Variants in POLK observed in about 807,000 individuals in gnomAD.
POLK encodes the protein polymerase (DNA directed) kappa.
In POLK, 76 loss-of-function variants were observed where a neutral mutation model predicts 94.0. The ratio of observed to expected loss-of-function variants is 0.81; its 90% confidence interval spans 0.67 to 0.98. The LOEUF (loss-of-function observed/expected upper bound fraction) is 0.98. Ranked by LOEUF, POLK falls within the 50% of genes least tolerant of loss-of-function variation. The probability of loss-of-function intolerance (pLI) is 0.00; values close to 1 mark genes in which losing one functional copy is unlikely to be tolerated. For missense variants in POLK, 954 were observed against 1,010.1 expected (o/e 0.94, Z 0.75); for synonymous variants, 349 against 325.4 (o/e 1.07, Z -0.78).
intron 3 of POLK, among the ~76,000 whole-genome samples, chr5:75,559,664 G>A (rs1051267640): frequency 6.7e-6 from 1 of 150,332 alleles, no homozygotes; most frequent in East Asian, 2.0e-4. Context: ...AGCCTCCCAA[G>A]TAGTGGGGGG....
chr5:75,559,371 T>C, intron 3 of POLK, among the ~76,000 whole-genome samples: 1 of 152,130 alleles, frequency 6.6e-6, no homozygotes, highest in East Asian at 1.9e-4. Flanking sequence ...CAGTCATTTT[T>C]GTAACTGACA....
At chr5:75,581,680 T>C in intron 7 of POLK, 1 of 240,256 alleles carries the variant, frequency 4.2e-6, no homozygotes, top group Non-Finnish European at 8.0e-6. Context: ...GTTTCTTTCT[T>C]TTTTTTTTTT....
chr5:75,595,623 A>G (rs138064836), intron 12 of POLK, among the ~76,000 whole-genome samples: 2 of 152,352 alleles, frequency 1.3e-5, no homozygotes, highest in East Asian at 1.9e-4. Context: ...TTTTAGGGCA[A>G]TGAAATGATT....
intron 4 of POLK, among the ~76,000 whole-genome samples, chr5:75,570,558 T>TTA (rs1368337859): frequency 6.6e-6 from 1 of 152,194 alleles, no homozygotes; most frequent in Non-Finnish European, 1.5e-5. Flanking sequence ...CATACTTCGT[T>TTA]AATAGAGTAC....
intron 1 of POLK, among the ~76,000 whole-genome samples, chr5:75,516,947 T>C (rs1768353216): frequency 6.6e-6 from 1 of 152,220 alleles, no homozygotes; most frequent in African/African-American, 2.4e-5. Context: ...AAAAATTACT[T>C]GGTTGTAAAT....
At chr5:75,566,371 G>A (rs1040498962) in intron 3 of POLK, among the ~76,000 whole-genome samples, 1 of 152,194 alleles carries the variant, frequency 6.6e-6, no homozygotes, top group East Asian at 1.9e-4. Context: ...CCCAGGGAAT[G>A]AACGGTTCTG....
intron 1 of POLK, chr5:75,513,028 G>C (rs959259891): frequency 6.6e-6 from 1 of 152,124 alleles, no homozygotes; most frequent in African/African-American, 2.4e-5. Context: ...TTTATATCCT[G>C]GTTTCAAATC....
chr5:75,571,549 C>T (rs569140535), intron 4 of POLK, among the ~76,000 whole-genome samples: 4 of 152,160 alleles, frequency 2.6e-5, no homozygotes, highest in Non-Finnish European at 5.9e-5. Context: ...TCCAAGGTGG[C>T]TTCATTCATA....
chr5:75,516,745 TTTCA>T (rs1418105980), intron 1 of POLK, among the ~76,000 whole-genome samples: 1 of 152,208 alleles, frequency 6.6e-6, no homozygotes. Flanking sequence ...TTTCTAGTAG[TTTCA>T]TAATTTCAGA....
At chr5:75,539,619 C>T (rs565052478) in intron 1 of POLK, among the ~76,000 whole-genome samples, 1 of 150,984 alleles carries the variant, frequency 6.6e-6, no homozygotes, top group East Asian at 1.9e-4. Context: ...CTTCAGCCTC[C>T]CACGTTTAAT....
At chr5:75,569,344 A>T in exon 4 of POLK, 1 of 1,603,556 alleles carries the variant, frequency 6.2e-7, no homozygotes, top group South Asian at 1.1e-5. Flanking sequence ...ATTAAGGTTG[A>T]CAGATTTGCA....
At chr5:75,588,681 C>T (rs188450290) in intron 10 of POLK, among the ~76,000 whole-genome samples, 1 of 152,158 alleles carries the variant, frequency 6.6e-6, no homozygotes, top group Non-Finnish European at 1.5e-5. Flanking sequence ...TGAAAGTCAG[C>T]GGTTCTAAAG....
In POLK at chr5:75,547,107, G is replaced by A. The variant is rs148960463; in HGVS notation, c.85G>A (p.Glu29Lys). The change falls in exon 2 of 15, where the codon GAA (glutamate) becomes AAA (lysine). Residue 29 changes from glutamate (E) to lysine (K), a missense_variant. By Grantham distance (56) the Glu-to-Lys change is moderately conservative. Coordinates refer to ENST00000241436, the Ensembl canonical transcript of POLK. ...ACTTAATGATAATAAAGCAGGAATG[G>A]AAGGATTAGATAAAGAGAAAATTAA... 2.0e-3 allele frequency: 3,041 copies of A among 1,540,640 alleles called. 7 individuals are homozygous for A. The highest frequency in any genetic ancestry group is 5.1e-3 in the South Asian group (436 of 85,116).
exon 1 of POLK, chr5:75,511,765 C>T (rs1313551421): frequency 3.2e-6 from 5 of 1,551,428 alleles, no homozygotes; most frequent in Non-Finnish European, 4.4e-6. Flanking sequence ...CTACCTCCGG[C>T]TCTCCCGGGT....
chr5:75,511,592 C>G (rs953876263), upstream of POLK: 6 of 1,466,030 alleles, frequency 4.1e-6, no homozygotes, highest in Non-Finnish European at 5.4e-6. Flanking sequence ...ACTCACACCT[C>G]CGCTACCGCC....
intron 1 of POLK, among the ~76,000 whole-genome samples, chr5:75,534,339 A>G (rs1042336999): frequency 1.1e-4 from 16 of 151,768 alleles, no homozygotes; most frequent in Admixed American, 3.9e-4. Context: ...GTCTGCAAAC[A>G]GGGATAGACT....
Position 75,587,017 on chromosome 5 carries a change from C to A in POLK, c.1227-9C>A. 1.3e-6 allele frequency: 2 copies of A among 1,524,412 alleles called. No homozygotes were observed. Among genetic ancestry groups the A allele is most frequent in the East Asian group, 2.4e-5 (1 of 42,542 alleles). 94.4% of individuals were successfully genotyped at this position (1,524,412 alleles called of 1,614,324 possible). A position where few individuals can be genotyped will look rare whatever the true frequency, so the allele number is the denominator to read the frequency against. ...TTGAAAAATAAAGACCTTTTTTTTT[C>A]ATTTCAAGGGATGGAGAGAGGAAAA... On this transcript the variant is annotated splice_polypyrimidine_tract_variant and intron_variant, in intron 9 of 14. Transcript: ENST00000241436.
chr5:75,596,879 C>T lies in POLK; in HGVS notation c.2186C>T (p.Ser729Phe), dbSNP rs920957277. The T allele has an allele frequency of 2.5e-6, 4 of 1,613,456 alleles. No individual in the cohort carries two copies. The highest frequency in any genetic ancestry group is 4.5e-5 in the East Asian group (2 of 44,860). Residue 729 changes from serine to phenylalanine, a missense_variant, in exon 13 of 15, where the codon TCT (serine) becomes TTT (phenylalanine). Coordinates refer to ENST00000241436, the Ensembl canonical transcript of POLK. ...AATAAGCATAGCAAGGAAGAATGTT[C>T]TAGTCTCCCAAGCAAGTCTTTTAAT... is the stretch of plus-strand genomic sequence containing the variant.
intron 3 of POLK, among the ~76,000 whole-genome samples, chr5:75,553,097 T>C (rs555096887): frequency 6.6e-6 from 1 of 152,318 alleles, no homozygotes; most frequent in Admixed American, 6.5e-5. Context: ...GTACATGAAC[T>C]TTTAAGACAA....
Sources: allele counts gnomAD v4.1 joint callset (sites outside exome capture counted in the v4.1 genomes callset), GRCh38; gene constraint gnomAD v4.1.1; transcripts MANE v1.5; gene names NCBI Gene and HGNC (gene_info 2026-07-23, HGNC 2026-07-21).